The following SUGCT variants were observed in gnomAD, a reference collection of about 807,000 sequenced individuals.
SUGCT encodes succinyl-CoA:glutarate-CoA transferase.
A neutral mutation model predicts 55.0 loss-of-function variants in SUGCT; 41 were observed. The ratio of observed to expected loss-of-function variants is 0.74; its 90% CI spans 0.58 to 0.97. The LOEUF (loss-of-function observed/expected upper bound fraction) is 0.97. SUGCT is among the 50% of genes least tolerant of loss of function. The probability of loss-of-function intolerance (pLI) is 0.00; values close to 1 mark genes in which losing one functional copy is unlikely to be tolerated. For synonymous variants in SUGCT, 187 were observed against 200.4 expected (o/e 0.93, Z 0.56); for missense variants, 568 against 547.8 (o/e 1.04, Z -0.37).
In SUGCT at chr7:40,227,043, C is replaced by CTTTT. The variant is rs35073564; in HGVS notation, c.485-10574_485-10571dup. 1.9e-3 allele frequency among the ~76,000 whole-genome samples: 181 copies of CTTTT among 96,230 alleles called. 3 individuals are homozygous for CTTTT. Among genetic ancestry groups the CTTTT allele is most frequent in the Non-Finnish European group, 2.7e-3 (136 of 50,864 alleles). 63.1% of individuals were successfully genotyped at this position (96,230 alleles called of 152,430 possible). A position where few individuals can be genotyped will look rare whatever the true frequency, so the allele number is the denominator to read the frequency against. On this transcript the variant is annotated intron_variant, in intron 6 of 13. Coordinates refer to ENST00000335693, the MANE Select transcript of SUGCT (RefSeq NM_001193313.2). ...AAGTAGAGAGAATAGTTTAATAGAT[C>CTTTT]TTTTTTTTTTTTTTTTTTTTTGAGA...
intron 12 of SUGCT, among the ~76,000 whole-genome samples, chr7:40,631,919 T>C (rs1359544897): frequency 1.3e-5 from 2 of 152,176 alleles, no homozygotes; most frequent in Non-Finnish European, 2.9e-5. Context: ...CTTTTGATAA[T>C]CCAGGGTCAT....
chr7:40,166,363 C>T (rs534367369), intron 1 of SUGCT, among the ~76,000 whole-genome samples: 1 of 152,236 alleles, frequency 6.6e-6, no homozygotes, highest in East Asian at 1.9e-4. Context: ...AAAACTCACT[C>T]ATTCATTTTG....
chr7:40,136,090 G>T (rs180846681), intron 1 of SUGCT, among the ~76,000 whole-genome samples: 1 of 151,840 alleles, frequency 6.6e-6, no homozygotes, highest in East Asian at 1.9e-4. Flanking sequence ...TCTGCCTCGC[G>T]GGTTCAAGCG....
At chr7:40,509,534 GA>G (rs1478115099) in intron 12 of SUGCT, among the ~76,000 whole-genome samples, 6 of 152,110 alleles carry the variant, frequency 3.9e-5, no homozygotes, top group Non-Finnish European at 8.8e-5. Flanking sequence ...AGGATTGCCT[GA>G]AGTCCAGCGG....
At chr7:40,996,721 A>C in the SUGCT span, among the ~76,000 whole-genome samples, 2 of 152,180 alleles carry the variant, frequency 1.3e-5, no homozygotes, top group African/African-American at 4.8e-5. Context: ...CTGGAGGTTA[A>C]TTTAAATGTT....
At chr7:40,934,325 G>A in the SUGCT span, among the ~76,000 whole-genome samples, 1 of 152,128 alleles carries the variant, frequency 6.6e-6, no homozygotes, top group African/African-American at 2.4e-5. Flanking sequence ...CATCCCAGAG[G>A]GGCACCTACC....
chr7:40,761,327 C>G (rs1026530604), intron 13 of SUGCT, among the ~76,000 whole-genome samples: 5 of 152,292 alleles, frequency 3.3e-5, no homozygotes, highest in African/African-American at 9.6e-5. Context: ...TGAAAGCCTC[C>G]TCCAAAATCA....
At chr7:40,935,325 A>T in the SUGCT span, among the ~76,000 whole-genome samples, 8 of 151,298 alleles carry the variant, frequency 5.3e-5, no homozygotes, top group Non-Finnish European at 1.5e-5. Flanking sequence ...AAAGTTGTGC[A>T]ACCATCACTT....
intron 13 of SUGCT, among the ~76,000 whole-genome samples, chr7:40,775,356 CT>C (rs1431248763): frequency 6.6e-6 from 1 of 152,170 alleles, no homozygotes; most frequent in African/African-American, 2.4e-5. Flanking sequence ...TACACAAGGT[CT>C]TTGGCAGGAC....
intron 9 of SUGCT, among the ~76,000 whole-genome samples, chr7:40,369,758 A>C (rs1784195963): frequency 6.6e-6 from 1 of 152,190 alleles, no homozygotes; most frequent in African/African-American, 2.4e-5. Flanking sequence ...CAGAGAATAA[A>C]GTGGGCCTGT....
intron 12 of SUGCT, among the ~76,000 whole-genome samples, chr7:40,553,758 T>C (rs990948413): frequency 1.3e-5 from 2 of 152,212 alleles, no homozygotes; most frequent in Non-Finnish European, 2.9e-5. Flanking sequence ...TTTCAAATGT[T>C]CTGTTTTCTT....
intron 13 of SUGCT, among the ~76,000 whole-genome samples, chr7:40,784,842 T>TC (rs1246851918): frequency 1.3e-5 from 2 of 152,294 alleles, no homozygotes; most frequent in East Asian, 3.9e-4. Context: ...CTCCATGTCT[T>TC]CACTTTGAAA....
At chr7:40,541,509 G>C (rs1325183576) in intron 12 of SUGCT, among the ~76,000 whole-genome samples, 1 of 152,124 alleles carries the variant, frequency 6.6e-6, no homozygotes, top group Non-Finnish European at 1.5e-5. Flanking sequence ...TCAAAAGTGT[G>C]GGCAGTAAGC....
chr7:40,577,623 G>A (rs1002975661), intron 12 of SUGCT, among the ~76,000 whole-genome samples: 1 of 152,108 alleles, frequency 6.6e-6, no homozygotes, highest in African/African-American at 2.4e-5. Flanking sequence ...ATTAGCTTTA[G>A]CTGTCAGTGC....
intron 11 of SUGCT, among the ~76,000 whole-genome samples, chr7:40,495,015 A>T (rs2151516179): frequency 6.6e-6 from 1 of 151,956 alleles, no homozygotes. Flanking sequence ...GGTTCAAGGG[A>T]TTCTCTTGCC....
At chr7:40,841,907 ACCATACTCAGAT>A (rs1238609265) in intron 13 of SUGCT, among the ~76,000 whole-genome samples, 1 of 152,124 alleles carries the variant, frequency 6.6e-6, no homozygotes, top group Non-Finnish European at 1.5e-5. Context: ...AAAATAAATG[ACCATACTCAGAT>A]CCACAATGAA....
the SUGCT span, among the ~76,000 whole-genome samples, chr7:40,892,622 C>T: frequency 1.3e-5 from 2 of 152,160 alleles, no homozygotes; most frequent in Non-Finnish European, 2.9e-5. Flanking sequence ...CAGCCTCAAA[C>T]TCCTGGGTTC....
intron 7 of SUGCT, among the ~76,000 whole-genome samples, chr7:40,271,065 C>T (rs940288670): frequency 4.6e-5 from 7 of 151,954 alleles, no homozygotes; most frequent in African/African-American, 1.2e-4. Context: ...TTGCTTAACT[C>T]GATTACTAGT....
chr7:40,378,211 C>G (rs1784700304), intron 9 of SUGCT, among the ~76,000 whole-genome samples: 1 of 147,828 alleles, frequency 6.8e-6, no homozygotes, highest in African/African-American at 2.5e-5. Flanking sequence ...TCTCCTCCTT[C>G]TCTCTTCTCC....
Sources: allele counts gnomAD v4.1 joint callset (sites outside exome capture counted in the v4.1 genomes callset), GRCh38; gene constraint gnomAD v4.1.1; transcripts MANE v1.5; gene names NCBI Gene and HGNC (gene_info 2026-07-23, HGNC 2026-07-21).